The following WLS variants were observed in gnomAD, a reference collection of about 807,000 sequenced individuals.
WLS encodes the protein protein wntless homolog.
Under a neutral mutation model 62.8 loss-of-function variants are expected in WLS, and 23 were observed. The ratio of observed to expected loss-of-function variants is 0.37; its 90% CI spans 0.26 to 0.52. The LOEUF (loss-of-function observed/expected upper bound fraction) is 0.52, where lower values mean the gene tolerates loss of function less well. Among genes scored for constraint, WLS ranks in the 20% least tolerant of loss-of-function variants. The probability of loss-of-function intolerance (pLI) is 0.92; values close to 1 mark genes in which losing one functional copy is unlikely to be tolerated. For missense variants in WLS, 615 were observed against 697.3 expected (o/e 0.88, Z 1.33); for synonymous variants, 246 against 244.1 (o/e 1.01, Z -0.07).
intron 1 of WLS, among the ~76,000 whole-genome samples, chr1:68,230,975 G>A: frequency 6.6e-6 from 1 of 152,172 alleles, no homozygotes; most frequent in South Asian, 2.1e-4. Context: ...ACATCGCGTG[G>A]GCGCCCGTAA....
Position 68,155,083 on chromosome 1 carries a change from A to T in WLS, c.666+16T>A. 2.5e-6 allele frequency: 4 copies of T among 1,611,814 alleles called. No individual in the cohort carries two copies. The highest frequency in any genetic ancestry group is 3.4e-6 in the Non-Finnish European group (4 of 1,178,874). ...CCCCTCCAATACACATGTCAAGATCAATTACATTCACTTACCACCAACCGG... is the reference window on the plus strand; with the variant it reads ...CCCCTCCAATACACATGTCAAGATCTATTACATTCACTTACCACCAACCGG... On this transcript the variant is annotated intron_variant, in intron 4 of 11. Coordinates refer to ENST00000262348, the MANE Select transcript of WLS (RefSeq NM_024911.7).
chr1:68,229,289 A>G (rs187097699), intron 1 of WLS, among the ~76,000 whole-genome samples: 1 of 152,198 alleles, frequency 6.6e-6, no homozygotes, highest in Admixed American at 6.5e-5. Flanking sequence ...TGCCATTTAT[A>G]TTCTCCCCTT....
intron 3 of WLS, among the ~76,000 whole-genome samples, chr1:68,158,011 G>A (rs1646922045): frequency 6.6e-6 from 1 of 152,172 alleles, no homozygotes; most frequent in South Asian, 2.1e-4. Flanking sequence ...CCTCTCTCCT[G>A]CTTCCTCTAG....
intron 8 of WLS, among the ~76,000 whole-genome samples, chr1:68,146,324 A>T (rs969666287): frequency 6.6e-6 from 1 of 152,204 alleles, no homozygotes; most frequent in Non-Finnish European, 1.5e-5. Flanking sequence ...CCTTTTAACC[A>T]GGTCCCCAGG....
intron 1 of WLS, among the ~76,000 whole-genome samples, chr1:68,215,386 T>A (rs1649684988): frequency 6.6e-6 from 1 of 152,108 alleles, no homozygotes; most frequent in South Asian, 2.1e-4. Context: ...ATCAACGAAA[T>A]GTAAATTAAA....
At chr1:68,223,179 T>G (rs1293806957) in intron 1 of WLS, among the ~76,000 whole-genome samples, 1 of 152,154 alleles carries the variant, frequency 6.6e-6, no homozygotes, top group Non-Finnish European at 1.5e-5. Flanking sequence ...GTAAAAGTAA[T>G]AGATTGAGTA....
intron 10 of WLS, chr1:68,138,179 T>C (rs1411025339): frequency 8.4e-6 from 4 of 473,486 alleles, no homozygotes; most frequent in Non-Finnish European, 1.5e-5. Context: ...TAGTATCACC[T>C]GGGGAGTGTC....
intron 1 of WLS, chr1:68,231,737 G>C (rs1455497351): frequency 2.2e-6 from 1 of 464,572 alleles, no homozygotes; most frequent in East Asian, 6.8e-5. Context: ...CAGAGCTCCG[G>C]GTTTGCGCCG....
chr1:68,206,023 G>A (rs1649266283), intron 1 of WLS, among the ~76,000 whole-genome samples: 1 of 152,140 alleles, frequency 6.6e-6, no homozygotes, highest in South Asian at 2.1e-4. Flanking sequence ...GACAGGCAGG[G>A]GCAGTTTTTA....
At chr1:68,191,137 G>A (rs1424288142) in intron 2 of WLS, among the ~76,000 whole-genome samples, 1 of 151,722 alleles carries the variant, frequency 6.6e-6, no homozygotes, top group East Asian at 1.9e-4. Flanking sequence ...TATTAATACA[G>A]TCAGTAGACA....
At chr1:68,169,287 C>T (rs569376387) in intron 2 of WLS, among the ~76,000 whole-genome samples, 29 of 152,316 alleles carry the variant, frequency 1.9e-4, no homozygotes, top group African/African-American at 6.5e-4. Context: ...CATCCACTTA[C>T]CCCTATTGTA....
intron 2 of WLS, among the ~76,000 whole-genome samples, chr1:68,174,497 A>G (rs1647202156): frequency 6.6e-6 from 1 of 152,176 alleles, no homozygotes; most frequent in African/African-American, 2.4e-5. Flanking sequence ...TCATAATACT[A>G]TAAAGAAGGT....
At chr1:68,103,073 G>A (rs1450788932) in intron 11 of WLS, among the ~76,000 whole-genome samples, 1 of 152,142 alleles carries the variant, frequency 6.6e-6, no homozygotes, top group Non-Finnish European at 1.5e-5. Context: ...CCTGCACGTA[G>A]GTCTGCTGCC....
Position 68,125,617 on chromosome 1 carries a change from A to C in WLS, c.*609T>G, listed in dbSNP as rs994774615. The C allele has an allele frequency of 1.0e-6, 1 of 985,554 alleles. No individual in the cohort carries two copies. The highest frequency in any genetic ancestry group is 1.2e-6 in the Non-Finnish European group (1 of 830,000). 61.1% of individuals were successfully genotyped at this position (985,554 alleles called of 1,614,324 possible). On this transcript the variant is annotated 3_prime_UTR_variant, in exon 12 of 12. Coordinates refer to ENST00000262348, the MANE Select transcript of WLS (RefSeq NM_024911.7). The stretch of plus-strand genomic sequence containing the variant: ...GTATTAGATACACAGATTTGGTTTC[A>C]AAGCTGAAATACCCCTGGTGGAATA...
chr1:68,106,957 T>C (rs1191658483), intron 11 of WLS, among the ~76,000 whole-genome samples: 1 of 152,230 alleles, frequency 6.6e-6, no homozygotes, highest in South Asian at 2.1e-4. Flanking sequence ...TAAGTCGGTA[T>C]GCATTTGAAC....
At chr1:68,223,767 C>CT (rs1258860301) in intron 1 of WLS, among the ~76,000 whole-genome samples, 2 of 152,152 alleles carry the variant, frequency 1.3e-5, no homozygotes, top group Non-Finnish European at 2.9e-5. Flanking sequence ...GATTTTATGA[C>CT]TTTTTTGGGA....
intron 11 of WLS, among the ~76,000 whole-genome samples, chr1:68,133,905 G>C (rs897796935): frequency 7.2e-5 from 11 of 152,174 alleles, no homozygotes; most frequent in African/African-American, 1.7e-4. Flanking sequence ...CTCCGTCCAG[G>C]ATCCATCTAA....
At chr1:68,148,486 A>G in intron 7 of WLS, 77 bp downstream of exon 7, 1 of 1,475,994 alleles carries the variant, frequency 6.8e-7, no homozygotes. Flanking sequence ...TCTCCTTTTC[A>G]AACACTCCTC....
intron 1 of WLS, among the ~76,000 whole-genome samples, chr1:68,223,925 G>A (rs1000764111): frequency 6.6e-6 from 1 of 152,194 alleles, no homozygotes; most frequent in Non-Finnish European, 1.5e-5. Context: ...CTTTCATGAG[G>A]CTGGCCTTAT....
Sources: gnomAD v4.1 joint callset for allele counts (sites outside exome capture counted in the v4.1 genomes callset) on GRCh38, gnomAD v4.1.1 for gene constraint, MANE v1.5 for transcripts, NCBI Gene and HGNC (gene_info 2026-07-23, HGNC 2026-07-21) for gene names.